The following SAMD3 variants were observed in gnomAD, a reference collection of about 807,000 sequenced individuals.
The protein encoded by SAMD3 is sterile alpha motif domain containing 3.
In SAMD3, 63 loss-of-function variants were observed where a neutral mutation model predicts 58.5. The ratio of observed to expected loss-of-function variants is 1.08; its 90% CI spans 0.88 to 1.33. The LOEUF (loss-of-function observed/expected upper bound fraction) is 1.33, where lower values mean the gene tolerates loss of function less well. Ranked by LOEUF, SAMD3 falls within the 40% of genes most tolerant of loss-of-function variation. The pLI, the probability that SAMD3 is intolerant of heterozygous loss-of-function variation, is 0.00. For missense variants in SAMD3, 604 were observed against 608.4 expected (o/e 0.99, Z 0.08); for synonymous variants, 220 against 210.3 (o/e 1.05, Z -0.40).
At chr6:130,207,603 C>G (rs966169926) in intron 5 of SAMD3, among the ~76,000 whole-genome samples, 2 of 152,102 alleles carry the variant, frequency 1.3e-5, no homozygotes, top group Non-Finnish European at 2.9e-5. Flanking sequence ...GAGCCAATCA[C>G]GGGAAAGCTC....
chr6:130,294,837 AT>A (rs1775502044), intron 2 of SAMD3, among the ~76,000 whole-genome samples: 1 of 123,852 alleles, frequency 8.1e-6, no homozygotes, highest in South Asian at 2.6e-4. Flanking sequence ...CAATTTATTT[AT>A]TGTTATTGTA....
intron 2 of SAMD3, among the ~76,000 whole-genome samples, chr6:130,280,944 A>G (rs770752379): frequency 2.0e-5 from 3 of 152,236 alleles, no homozygotes; most frequent in African/African-American, 7.2e-5. Flanking sequence ...CCTCCAGTGG[A>G]TGCCTGAAAC....
At chr6:130,251,984 T>G (rs1773755244) in intron 2 of SAMD3, among the ~76,000 whole-genome samples, 1 of 152,120 alleles carries the variant, frequency 6.6e-6, no homozygotes, top group Non-Finnish European at 1.5e-5. Context: ...AGATGTTCTA[T>G]TCCTTGTTGA....
rs538402786 is a variant in SAMD3, at chr6:130,306,900, T to G, written c.-188+6078A>C. 5.1e-4 allele frequency among the ~76,000 whole-genome samples: 78 copies of G among 152,350 alleles called. 1 individual carries two copies. Among genetic ancestry groups the G allele is most frequent in the South Asian group, 2.1e-3 (10 of 4,830 alleles). On this transcript the variant is annotated intron_variant, in intron 2 of 13. Coordinates refer to the SAMD3 transcript ENST00000368134. ...CTGGTGTTTTCTTTCTATAATGATA[T>G]TTTAAGCTACTGATTAAAGTTTTAA...
downstream of SAMD3, chr6:130,144,061 A>T (rs1788401536): frequency 6.4e-6 from 1 of 156,164 alleles, no homozygotes; most frequent in Non-Finnish European, 1.4e-5. Flanking sequence ...CCTGAGGGAG[A>T]GAAGAGTATG....
intron 1 of SAMD3, among the ~76,000 whole-genome samples, chr6:130,351,827 T>C (rs1392955416): frequency 6.6e-6 from 1 of 152,030 alleles, no homozygotes; most frequent in Non-Finnish European, 1.5e-5. Flanking sequence ...TGTCCATCAA[T>C]GATAGACTGG....
chr6:130,157,229 A>G (rs1789872942), intron 8 of SAMD3, among the ~76,000 whole-genome samples: 2 of 152,212 alleles, frequency 1.3e-5, no homozygotes, highest in Admixed American at 6.5e-5. Context: ...ATTTCAAATA[A>G]CGCAGAAAAA....
intron 1 of SAMD3, among the ~76,000 whole-genome samples, chr6:130,333,106 G>A (rs984805889): frequency 2.7e-5 from 4 of 150,926 alleles, no homozygotes; most frequent in Non-Finnish European, 5.9e-5. Context: ...GACAAGTTTT[G>A]AGGAGTGATG....
chr6:130,275,838 T>TC (rs1163068702), intron 2 of SAMD3, among the ~76,000 whole-genome samples: 2 of 152,104 alleles, frequency 1.3e-5, no homozygotes, highest in Non-Finnish European at 2.9e-5. Flanking sequence ...AAACGTTTTC[T>TC]CCCCCTCTAA....
intron 2 of SAMD3, among the ~76,000 whole-genome samples, chr6:130,288,547 T>C (rs529157025): frequency 6.6e-6 from 1 of 152,228 alleles, no homozygotes; most frequent in South Asian, 2.1e-4. Flanking sequence ...ATCAAATTAA[T>C]CATCACAAGA....
chr6:130,301,380 C>T (rs773348224), intron 2 of SAMD3, among the ~76,000 whole-genome samples: 12 of 151,968 alleles, frequency 7.9e-5, no homozygotes, highest in South Asian at 2.1e-4. Flanking sequence ...ACCAAGAAGG[C>T]GAAAGATCTT....
At chr6:130,171,886 G>T (rs1791283682) in intron 8 of SAMD3, among the ~76,000 whole-genome samples, 1 of 152,154 alleles carries the variant, frequency 6.6e-6, no homozygotes, top group South Asian at 2.1e-4. Context: ...ATGAATCTGG[G>T]TGCTCCTGTA....
At chr6:130,301,772 A>C (rs1408058014) in intron 2 of SAMD3, among the ~76,000 whole-genome samples, 1 of 152,170 alleles carries the variant, frequency 6.6e-6, no homozygotes, top group Non-Finnish European at 1.5e-5. Context: ...AGTGGAACAG[A>C]ATAGAAAACC....
At chr6:130,243,491 T>C (rs1253192600) in intron 2 of SAMD3, among the ~76,000 whole-genome samples, 1 of 152,210 alleles carries the variant, frequency 6.6e-6, no homozygotes, top group East Asian at 1.9e-4. Flanking sequence ...ATTCCTCAAA[T>C]ATTATTTCAC....
chr6:130,299,424 ATGG>A (rs1775673463), intron 2 of SAMD3, among the ~76,000 whole-genome samples: 1 of 152,196 alleles, frequency 6.6e-6, no homozygotes, highest in Non-Finnish European at 1.5e-5. Flanking sequence ...ACAAATGAGA[ATGG>A]AGACACAACA....
At chr6:130,216,367 A>C (rs1796002896) in intron 2 of SAMD3, among the ~76,000 whole-genome samples, 1 of 152,216 alleles carries the variant, frequency 6.6e-6, no homozygotes, top group Admixed American at 6.5e-5. Context: ...GATACTGACT[A>C]TTCTGTAAAG....
At position 130,264,815 on chromosome 6, in the gene SAMD3, G is replaced by C. The variant is rs187714151; in HGVS notation, c.-187-42002C>G. ...AACTCATGTCGGCCTCAGTCCTGGG[G>C]CTACCTGACCTGACAAAACCCTTTA... On this transcript the variant is annotated intron_variant, in intron 2 of 13. Coordinates refer to the SAMD3 transcript ENST00000368134. Among the ~76,000 whole-genome samples the C allele has an allele frequency of 5.9e-5, 9 of 152,160 alleles. No homozygotes were observed. In the East Asian group the frequency reaches 1.7e-3, roughly 29 times the overall value.
intron 1 of SAMD3, among the ~76,000 whole-genome samples, chr6:130,364,037 G>C (rs910750851): frequency 6.6e-6 from 1 of 152,102 alleles, no homozygotes; most frequent in African/African-American, 2.4e-5. Flanking sequence ...GTTGAGAGTT[G>C]CTCGGACTAC....
At chr6:130,333,170 A>G (rs1776993964) in intron 1 of SAMD3, among the ~76,000 whole-genome samples, 1 of 152,008 alleles carries the variant, frequency 6.6e-6, no homozygotes, top group Non-Finnish European at 1.5e-5. Flanking sequence ...TTCTGGGGAT[A>G]TGTATTAGGA....
Sources: allele counts gnomAD v4.1 joint callset (sites outside exome capture counted in the v4.1 genomes callset), GRCh38; gene constraint gnomAD v4.1.1; transcripts MANE v1.5; gene names NCBI Gene and HGNC (gene_info 2026-07-23, HGNC 2026-07-21).